The following MKNK1 variants were observed in gnomAD, a reference collection of about 807,000 sequenced individuals.
MKNK1 encodes the protein MAP kinase-interacting serine/threonine-protein kinase 1.
A neutral mutation model predicts 49.3 loss-of-function variants in MKNK1; 30 were observed. The ratio of observed to expected loss-of-function variants is 0.61; its 90% CI spans 0.46 to 0.83. The LOEUF is 0.83. MKNK1 is among the 40% of genes least tolerant of loss of function. The pLI is 0.00. For missense variants in MKNK1, 423 were observed against 524.7 expected, an observed-to-expected ratio of 0.81 and a Z score of 1.89; for synonymous variants, 176 against 201.7, an observed-to-expected ratio of 0.87 and a Z score of 1.08.
intron 3 of MKNK1, among the ~76,000 whole-genome samples, chr1:46,582,354 G>A (rs1258747614): frequency 1.3e-5 from 2 of 152,202 alleles, no homozygotes; most frequent in African/African-American, 4.8e-5. Flanking sequence ...TAAATGACAT[G>A]CTTCTCACAA....
intron 7 of MKNK1, chr1:46,571,477 G>T: frequency 2.5e-6 from 1 of 393,748 alleles, no homozygotes; most frequent in Non-Finnish European, 5.0e-6. Flanking sequence ...AGGGAGGTTG[G>T]GGCTGCAGTG....
rs370479009 is a variant in MKNK1, at chr1:46,567,653, G to A, written c.513+790C>T. On this transcript the variant is annotated intron_variant, in intron 8 of 12. Transcript: ENST00000371945. ...ATTCAAGGCCACCCCTTATTTATGA[G>A]CCGCGGCTTCATCCAGACCACAATA... Among the ~76,000 whole-genome samples, 42 of 152,180 alleles carry A rather than the reference G, an allele frequency of 2.8e-4. 1 individual carries two copies. Among genetic ancestry groups the A allele is most frequent in the East Asian group, 9.6e-4 (5 of 5,194 alleles).
rs187734026 is a variant in MKNK1, at chr1:46,559,261, C to T, written c.1014-461G>A. 3.3e-5 allele frequency among the ~76,000 whole-genome samples: 5 copies of T among 152,322 alleles called. No homozygotes were observed. In the East Asian group the frequency reaches 7.7e-4, roughly 24 times the overall value. ...GGTTTGCAGAATAAATCTTCTAAGGCGGATCTGAGGTTTGGCATCTAAAGG... is the reference window on the plus strand; with the variant it reads ...GGTTTGCAGAATAAATCTTCTAAGGTGGATCTGAGGTTTGGCATCTAAAGG... On this transcript the variant is annotated intron_variant, in intron 12 of 12. Coordinates refer to ENST00000371945, the MANE Select transcript of MKNK1 (RefSeq NM_001135553.4).
At chr1:46,600,798 G>A (rs570799542) in intron 1 of MKNK1, among the ~76,000 whole-genome samples, 3 of 152,316 alleles carry the variant, frequency 2.0e-5, no homozygotes, top group African/African-American at 7.2e-5. Flanking sequence ...AACAGTGTCT[G>A]GAACACAGCA....
At chr1:46,559,327 T>C (rs1667519072) in intron 12 of MKNK1, among the ~76,000 whole-genome samples, 1 of 152,190 alleles carries the variant, frequency 6.6e-6, no homozygotes, top group African/African-American at 2.4e-5. Context: ...GGAACCCAAA[T>C]TGGGCAATAG....
At chr1:46,572,234 G>A in intron 6 of MKNK1, 67 bp from the exon 7 acceptor site, 3 of 1,294,466 alleles carry the variant, frequency 2.3e-6, no homozygotes, top group Non-Finnish European at 3.3e-6. Flanking sequence ...TTTTTTTTTA[G>A]ACGAAGTCTC....
intron 2 of MKNK1, among the ~76,000 whole-genome samples, chr1:46,586,655 T>G (rs1338292449): frequency 7.1e-6 from 1 of 141,702 alleles, no homozygotes; most frequent in Admixed American, 7.4e-5. Flanking sequence ...AGGTACCCAG[T>G]GCACATCCTG....
At chr1:46,602,498 G>C (rs1019783215) in intron 1 of MKNK1, among the ~76,000 whole-genome samples, 6 of 152,224 alleles carry the variant, frequency 3.9e-5, no homozygotes, top group African/African-American at 1.4e-4. Flanking sequence ...AACAGGGAGG[G>C]GAGAGGTGTG....
chr1:46,583,337 A>T lies in MKNK1; in HGVS notation c.-2-8T>A, dbSNP rs758591889. On this transcript the variant is annotated splice_polypyrimidine_tract_variant and splice_region_variant and intron_variant, in intron 2 of 12. Coordinates refer to ENST00000371945, the MANE Select transcript of MKNK1 (RefSeq NM_001135553.4). ...GTTCGCTACTGCCCATCTCTAGGAG[A>T]TAAGAGGAGATGTAAGGGAAACATC... is the stretch of plus-strand genomic sequence containing the variant. 3 of 1,600,272 alleles carry T rather than the reference A, an allele frequency of 1.9e-6. No homozygotes were observed. The highest frequency in any genetic ancestry group is 1.7e-4 in the Middle Eastern group (1 of 6,060).
intron 1 of MKNK1, among the ~76,000 whole-genome samples, chr1:46,595,462 G>A (rs1216676554): frequency 3.3e-5 from 5 of 151,544 alleles, no homozygotes; most frequent in Non-Finnish European, 7.4e-5. Context: ...ATCAGATCAC[G>A]TCATCCTGCC....
At chr1:46,572,349 A>G (rs2148644016) in intron 6 of MKNK1, 182 bp from the exon 7 acceptor site, 1 of 454,592 alleles carries the variant, frequency 2.2e-6, no homozygotes, top group East Asian at 4.0e-5. Context: ...AGTAGCTGGG[A>G]TTACAGGCAG....
chr1:46,594,996 G>A (rs765679474), intron 1 of MKNK1: 79 of 207,028 alleles, frequency 3.8e-4, no homozygotes, highest in Non-Finnish European at 7.5e-4. Flanking sequence ...TGCTATCCAC[G>A]TTTTTAGAGA....
At chr1:46,597,271 G>T (rs1378536679) in intron 1 of MKNK1, among the ~76,000 whole-genome samples, 1 of 142,080 alleles carries the variant, frequency 7.0e-6, no homozygotes, top group Non-Finnish European at 1.5e-5. Flanking sequence ...CAGTGCTTAA[G>T]AACTAGACCT....
intron 4 of MKNK1, among the ~76,000 whole-genome samples, chr1:46,578,369 G>A (rs1671271660): frequency 1.3e-5 from 2 of 152,118 alleles, no homozygotes; most frequent in Admixed American, 1.3e-4. Flanking sequence ...AAGAGTAGGG[G>A]AGAGAAGAAA....
At chr1:46,568,231 G>A in intron 8 of MKNK1, 1 of 560,234 alleles carries the variant, frequency 1.8e-6, no homozygotes, top group Non-Finnish European at 3.2e-6. Context: ...CAAACTCTCA[G>A]GCTTACATCA....
intron 2 of MKNK1, among the ~76,000 whole-genome samples, chr1:46,590,137 G>A (rs866647325): frequency 6.6e-6 from 1 of 152,096 alleles, no homozygotes; most frequent in Non-Finnish European, 1.5e-5. Flanking sequence ...CTGCCTTCTC[G>A]GGCATCAGCT....
intron 1 of MKNK1, among the ~76,000 whole-genome samples, chr1:46,599,091 G>A (rs55691598): frequency 0.018 from 2,778 of 152,270 alleles, 77 homozygotes; most frequent in African/African-American, 0.062. Context: ...TTCTGATATG[G>A]CTTCCCCAGA....
chr1:46,588,582 C>T (rs949774900), intron 2 of MKNK1, among the ~76,000 whole-genome samples: 34 of 151,926 alleles, frequency 2.2e-4, no homozygotes, highest in African/African-American at 6.5e-4. Flanking sequence ...CCGAGGCGGG[C>T]GGATCACGAG....
At chr1:46,585,730 G>A (rs1001876957) in intron 2 of MKNK1, 6 of 521,656 alleles carry the variant, frequency 1.2e-5, no homozygotes. Flanking sequence ...ACTCTAATGA[G>A]AAAACCCTGT....
Sources: gnomAD v4.1 joint callset for allele counts (sites outside exome capture counted in the v4.1 genomes callset) on GRCh38, gnomAD v4.1.1 for gene constraint, MANE v1.5 for transcripts, NCBI Gene and HGNC (gene_info 2026-07-23, HGNC 2026-07-21) for gene names.